Variants in PDGFD observed in about 807,000 individuals in gnomAD.
PDGFD encodes platelet-derived growth factor D.
A neutral mutation model predicts 44.7 loss-of-function variants in PDGFD; 30 were observed. The ratio of observed to expected loss-of-function variants is 0.67; its 90% CI spans 0.50 to 0.91. The LOEUF (loss-of-function observed/expected upper bound fraction) is 0.91, where lower values mean the gene tolerates loss of function less well. Among genes scored for constraint, PDGFD ranks in the 40% least tolerant of loss-of-function variants. PDGFD has a pLI of 0.00. For missense variants in PDGFD, 445 were observed against 457.8 expected, an observed-to-expected ratio of 0.97 and a Z score of 0.25; for synonymous variants, 173 against 168.4, an observed-to-expected ratio of 1.03 and a Z score of -0.21.
At chr11:104,087,493 A>T (rs10736631) in intron 1 of PDGFD, among the ~76,000 whole-genome samples, 1 of 151,940 alleles carries the variant, frequency 6.6e-6, no homozygotes, top group Admixed American at 6.6e-5. Flanking sequence ...AGGCATGAGC[A>T]ACTGAGCCAC....
chr11:103,966,726 T>C (rs750036352), intron 3 of PDGFD, among the ~76,000 whole-genome samples: 3 of 152,186 alleles, frequency 2.0e-5, no homozygotes, highest in African/African-American at 4.8e-5. Context: ...CCAAAATCTA[T>C]TAAGTAGATT....
At chr11:103,992,262 G>T (rs17101816) in intron 3 of PDGFD, among the ~76,000 whole-genome samples, 14 of 151,948 alleles carry the variant, frequency 9.2e-5, no homozygotes, top group African/African-American at 3.4e-4. Flanking sequence ...ACAAACACAC[G>T]GTCTAGCCAT....
At chr11:104,054,920 T>C (rs552116538) in intron 1 of PDGFD, among the ~76,000 whole-genome samples, 70 of 152,286 alleles carry the variant, frequency 4.6e-4, no homozygotes, top group African/African-American at 1.6e-3. Context: ...GCAATTACCT[T>C]AACCTTTCCA....
intron 1 of PDGFD, among the ~76,000 whole-genome samples, chr11:104,062,076 T>G (rs1434776169): frequency 6.6e-6 from 1 of 152,222 alleles, no homozygotes; most frequent in Non-Finnish European, 1.5e-5. Context: ...TCCCCTCTAG[T>G]CAAGCCTAAG....
intron 1 of PDGFD, among the ~76,000 whole-genome samples, chr11:104,155,262 A>T (rs1162031404): frequency 6.6e-6 from 1 of 152,232 alleles, no homozygotes; most frequent in Non-Finnish European, 1.5e-5. Context: ...AACCTATCAG[A>T]CATATAATCT....
rs1217027361 is a variant in PDGFD at position 103,909,482 on chromosome 11, T to C, written c.*212A>G. 7 of 551,100 alleles carry C rather than the reference T, an allele frequency of 1.3e-5. No individual in the cohort carries two copies. Among genetic ancestry groups the C allele is most frequent in the Non-Finnish European group, 2.3e-5 (7 of 308,630 alleles). The allele number at this position is 551,100 out of a possible 1,614,324, so 34.1% of individuals were successfully genotyped here. ...TATAACCTCAAACACTATTATTAAA[T>C]GCAATCCTATATTCTTAGGTATAGA... On this transcript the variant is annotated 3_prime_UTR_variant, in exon 7 of 7. Transcript: ENST00000393158.
intron 1 of PDGFD, among the ~76,000 whole-genome samples, chr11:104,151,340 T>C (rs144774313): frequency 5.3e-5 from 8 of 152,272 alleles, no homozygotes; most frequent in Non-Finnish European, 7.4e-5. Flanking sequence ...GCTGGATGCG[T>C]AAATAGTACA....
intron 1 of PDGFD, among the ~76,000 whole-genome samples, chr11:104,163,209 C>G (rs1010502777): frequency 1.3e-5 from 2 of 152,100 alleles, no homozygotes; most frequent in Admixed American, 6.5e-5. Context: ...GCTTCTGAGT[C>G]AGGGTGAACT....
At chr11:104,037,445 G>A (rs756968645) in intron 1 of PDGFD, 3 of 1,614,082 alleles carry the variant, frequency 1.9e-6, no homozygotes, top group South Asian at 1.1e-5. Flanking sequence ...CCACTGGATC[G>A]GGAAGCTCAG....
intron 4 of PDGFD, among the ~76,000 whole-genome samples, chr11:103,946,869 A>T (rs1195325588): frequency 6.6e-6 from 1 of 152,182 alleles, no homozygotes; most frequent in Non-Finnish European, 1.5e-5. Context: ...AAGAGTTTTT[A>T]AAAAATCCTC....
chr11:104,039,494 A>T (rs1591134681), intron 1 of PDGFD, among the ~76,000 whole-genome samples: 1 of 152,054 alleles, frequency 6.6e-6, no homozygotes, highest in South Asian at 2.1e-4. Context: ...AAAGAGAGTC[A>T]CCTCTTCCTT....
At chr11:104,035,461 T>C (rs1591131153) in intron 1 of PDGFD, among the ~76,000 whole-genome samples, 1 of 151,768 alleles carries the variant, frequency 6.6e-6, no homozygotes, top group East Asian at 1.9e-4. Flanking sequence ...ATGTCCTCCA[T>C]GTGTTGCAAG....
intron 4 of PDGFD, chr11:103,945,768 G>C (rs1858659709): frequency 6.6e-6 from 1 of 152,184 alleles, no homozygotes; most frequent in Admixed American, 6.6e-5. Flanking sequence ...AAGCTGTGGG[G>C]AACTCTCAGT....
intron 3 of PDGFD, among the ~76,000 whole-genome samples, chr11:103,967,668 A>G (rs895444445): frequency 1.3e-5 from 2 of 152,092 alleles, no homozygotes; most frequent in Non-Finnish European, 2.9e-5. Context: ...CCTTCTCTAG[A>G]ACAATCAAGT....
At chr11:104,135,837 G>A (rs1208476101) in intron 1 of PDGFD, among the ~76,000 whole-genome samples, 3 of 152,196 alleles carry the variant, frequency 2.0e-5, no homozygotes, top group Admixed American at 2.0e-4. Flanking sequence ...TCTATAAGGG[G>A]ACTGAATGTA....
At chr11:104,076,252 T>C (rs1860956982) in intron 1 of PDGFD, among the ~76,000 whole-genome samples, 1 of 152,204 alleles carries the variant, frequency 6.6e-6, no homozygotes, top group South Asian at 2.1e-4. Context: ...CTTTCCTTTA[T>C]AAATTACCCA....
rs915195526 is a variant in PDGFD, at chr11:104,134,019, A to C, written c.124+29785T>G. Among the ~76,000 whole-genome samples, 113 of 152,174 alleles carry C rather than the reference A, an allele frequency of 7.4e-4. 1 individual carries two copies. Among genetic ancestry groups the C allele is most frequent in the African/African-American group, 2.6e-3 (107 of 41,446 alleles). On this transcript the variant is annotated intron_variant, in intron 1 of 6. Transcript: ENST00000393158. ...CTCCTTGTTTCTCTGAATGAATCTC[A>C]CAACTACATGCATTTTAGTAGCATT...
chr11:103,963,421 T>C (rs937361899), intron 3 of PDGFD, among the ~76,000 whole-genome samples: 7 of 152,204 alleles, frequency 4.6e-5, no homozygotes, highest in Non-Finnish European at 4.4e-5. Context: ...CATCATTAGA[T>C]AAAAGAATGT....
chr11:103,957,077 T>A (rs1858863071), intron 3 of PDGFD, among the ~76,000 whole-genome samples: 1 of 152,194 alleles, frequency 6.6e-6, no homozygotes, highest in South Asian at 2.1e-4. Context: ...ATCCCATTTG[T>A]CAATTTTGGC....
Sources: allele counts gnomAD v4.1 joint callset (sites outside exome capture counted in the v4.1 genomes callset), GRCh38; gene constraint gnomAD v4.1.1; transcripts MANE v1.5; gene names NCBI Gene and HGNC (gene_info 2026-07-23, HGNC 2026-07-21).